The following SLC16A9 variants were observed in gnomAD, a reference collection of about 807,000 sequenced individuals.
SLC16A9 encodes the protein solute carrier family 16 member 9.
SLC16A9 carries 26 observed loss-of-function variants against 44.3 expected under a neutral mutation model. The observed-to-expected ratio is 0.59, with a 90% CI of 0.43 to 0.81. SLC16A9 has a LOEUF of 0.81. Ranked by LOEUF, SLC16A9 falls within the 40% of genes least tolerant of loss-of-function variation. The pLI is 0.00. For missense variants in SLC16A9, 559 were observed against 595.8 expected (o/e 0.94, Z 0.64); for synonymous variants, 230 against 225.1 (o/e 1.02, Z -0.19).
At chr10:59,658,627 T>C (rs11817347) in intron 4 of SLC16A9, among the ~76,000 whole-genome samples, 4,487 of 152,272 alleles carry the variant, frequency 0.029, 209 homozygotes, top group African/African-American at 0.1. Context: ...TGCCTACTCT[T>C]ACAGTCCTTC....
intron 1 of SLC16A9, among the ~76,000 whole-genome samples, chr10:59,691,692 A>G (rs1315862784): frequency 1.3e-5 from 2 of 152,208 alleles, no homozygotes; most frequent in Non-Finnish European, 2.9e-5. Flanking sequence ...GAAAAAGACT[A>G]TTGATGAAAG....
chr10:59,707,273 A>T (rs191004184), intron 1 of SLC16A9, among the ~76,000 whole-genome samples: 2 of 88,280 alleles, frequency 2.3e-5, no homozygotes, highest in African/African-American at 9.7e-5. Flanking sequence ...GGGAGGGGAG[A>T]GGAGGGAAGG....
At chr10:59,696,336 C>T (rs1056103121) in intron 1 of SLC16A9, among the ~76,000 whole-genome samples, 4 of 152,240 alleles carry the variant, frequency 2.6e-5, no homozygotes, top group Non-Finnish European at 5.9e-5. Context: ...CAGCTCCTAA[C>T]CGCGAGTGAT....
At chr10:59,695,199 G>T (rs1020546823) in intron 1 of SLC16A9, among the ~76,000 whole-genome samples, 1 of 152,032 alleles carries the variant, frequency 6.6e-6, no homozygotes, top group African/African-American at 2.4e-5. Context: ...TGCATATGAG[G>T]TTTCTTCGGG....
At chr10:59,693,127 A>G (rs1840287509) in intron 1 of SLC16A9, among the ~76,000 whole-genome samples, 1 of 152,234 alleles carries the variant, frequency 6.6e-6, no homozygotes, top group African/African-American at 2.4e-5. Context: ...TAAAAAGTGC[A>G]TCTGCGGTCA....
chr10:59,651,599 A>G lies in SLC16A9; in HGVS notation c.*1173T>C, dbSNP rs1839199654. 6.6e-6 allele frequency: 1 copy of G among 152,200 alleles called. No homozygotes were observed. Among genetic ancestry groups the G allele is most frequent in the Non-Finnish European group, 1.5e-5 (1 of 68,038 alleles). The allele number at this position is 152,200 out of a possible 1,614,324, so 9.4% of individuals were successfully genotyped here. ...AGATCTATAGGGAATTCTGATGCAT[A>G]CCAAAGTTTAAAACCCATTTCTTTA... On this transcript the variant is annotated 3_prime_UTR_variant, in exon 6 of 6. Coordinates refer to ENST00000395348, the MANE Select transcript of SLC16A9 (RefSeq NM_194298.3).
chr10:59,680,291 T>C (rs1564704849), intron 2 of SLC16A9, among the ~76,000 whole-genome samples: 1 of 152,196 alleles, frequency 6.6e-6, no homozygotes, highest in East Asian at 1.9e-4. Flanking sequence ...GTCCAGAATT[T>C]CATGTCTTTT....
chr10:59,676,808 A>C (rs1168754720), intron 2 of SLC16A9, among the ~76,000 whole-genome samples: 3 of 151,792 alleles, frequency 2.0e-5, no homozygotes, highest in Non-Finnish European at 2.9e-5. Flanking sequence ...CTGTAATCCC[A>C]GCTACTCGGT....
chr10:59,694,871 A>C (rs1405673449), intron 1 of SLC16A9, among the ~76,000 whole-genome samples: 5 of 144,736 alleles, frequency 3.5e-5, no homozygotes, highest in African/African-American at 1.3e-4. Context: ...ATTATATGTG[A>C]TAAAAACTGA....
In SLC16A9 at chr10:59,654,724, A is replaced by G. The variant is rs948294238; in HGVS notation, c.437-135T>C. The G allele has an allele frequency of 7.2e-6, 5 of 697,824 alleles. No individual in the cohort carries two copies. In the African/African-American group the frequency reaches 8.9e-5, roughly 12 times the overall value. The allele number at this position is 697,824 out of a possible 1,614,324, so 43.2% of individuals were successfully genotyped here. ...CATATTAAAATCATATTAAGAAGAT[A>G]GAAGATAACAATAATAACAATAATA... is the stretch of plus-strand genomic sequence containing the variant. On this transcript the variant is annotated intron_variant, in intron 4 of 5. Coordinates refer to ENST00000395348, the MANE Select transcript of SLC16A9 (RefSeq NM_194298.3).
At chr10:59,666,253 C>A (rs1442016616) in intron 3 of SLC16A9, among the ~76,000 whole-genome samples, 1 of 149,588 alleles carries the variant, frequency 6.7e-6, no homozygotes, top group Non-Finnish European at 1.5e-5. Flanking sequence ...AAGCTGAGAT[C>A]GCGCCATTGC....
chr10:59,681,343 A>G (rs1839981158), intron 2 of SLC16A9, among the ~76,000 whole-genome samples: 1 of 151,678 alleles, frequency 6.6e-6, no homozygotes, highest in Non-Finnish European at 1.5e-5. Context: ...GGATAACATC[A>G]AATACAATAT....
At chr10:59,685,509 A>G (rs1353647234) in intron 1 of SLC16A9, among the ~76,000 whole-genome samples, 1 of 152,228 alleles carries the variant, frequency 6.6e-6, no homozygotes, top group Non-Finnish European at 1.5e-5. Flanking sequence ...TATTATATAC[A>G]TTGGTATGTG....
intron 1 of SLC16A9, among the ~76,000 whole-genome samples, chr10:59,704,385 C>A (rs1383178729): frequency 6.6e-6 from 1 of 152,016 alleles, no homozygotes; most frequent in African/African-American, 2.4e-5. Context: ...CTTATTCAAT[C>A]CCTCAATCTA....
chr10:59,667,177 T>A (rs547409223), intron 3 of SLC16A9, among the ~76,000 whole-genome samples: 3 of 152,340 alleles, frequency 2.0e-5, no homozygotes, highest in African/African-American at 7.2e-5. Flanking sequence ...ACTGATATGG[T>A]ATCAGGTTCC....
chr10:59,685,768 A>G (rs1840117523), intron 1 of SLC16A9, among the ~76,000 whole-genome samples: 1 of 152,228 alleles, frequency 6.6e-6, no homozygotes, highest in Non-Finnish European at 1.5e-5. Context: ...GTCAAAAGGA[A>G]TATACATTTG....
chr10:59,678,096 T>C (rs1839899455), intron 2 of SLC16A9, among the ~76,000 whole-genome samples: 1 of 143,136 alleles, frequency 7.0e-6, no homozygotes, highest in South Asian at 2.2e-4. Context: ...TCACACTTCT[T>C]TTTCCTAAAA....
At chr10:59,705,243 G>T (rs1840612001) in intron 1 of SLC16A9, among the ~76,000 whole-genome samples, 1 of 151,352 alleles carries the variant, frequency 6.6e-6, no homozygotes, top group Non-Finnish European at 1.5e-5. Context: ...TAATCCAAAT[G>T]ATGAAAATTA....
rs1354788729 is a variant in SLC16A9 at position 59,709,697 on chromosome 10, G to GCCCCCACAGA, written c.-265_-256dup. The GCCCCCACAGA allele has an allele frequency of 6.6e-6, 1 of 152,010 alleles. No individual in the cohort carries two copies. The highest frequency in any genetic ancestry group is 1.5e-5 in the Non-Finnish European group (1 of 68,192). The allele number at this position is 152,010 out of a possible 1,614,324, so 9.4% of individuals were successfully genotyped here. A position where few individuals can be genotyped will look rare whatever the true frequency, so the allele number is the denominator to read the frequency against. On this transcript the variant is annotated 5_prime_UTR_variant, in exon 1 of 6. The change abolishes the stop of an existing upstream ORF in the 5' untranslated region. Coordinates refer to ENST00000395348, the MANE Select transcript of SLC16A9 (RefSeq NM_194298.3). ...GCTGCCCCGGGAGCCGCCGCCCTCT[G>GCCCCCACAGA]CCCCCACAGACCCGCAGCGGCGGCG...
Sources: allele counts gnomAD v4.1 joint callset (sites outside exome capture counted in the v4.1 genomes callset), GRCh38; gene constraint gnomAD v4.1.1; transcripts MANE v1.5; gene names NCBI Gene and HGNC (gene_info 2026-07-23, HGNC 2026-07-21).